EPB41L3: variants seen among roughly 807,000 people sequenced by gnomAD.
The protein encoded by EPB41L3 is erythrocyte membrane protein band 4.1 like 3.
Under a neutral mutation model 127.1 loss-of-function variants are expected in EPB41L3, and 57 were observed. The ratio of observed to expected loss-of-function variants is 0.45; its 90% CI spans 0.36 to 0.56. The LOEUF is 0.56. EPB41L3 is among the 20% of genes least tolerant of loss of function. EPB41L3 has a pLI of 0.00. For missense variants in EPB41L3, 1,273 were observed against 1,372.2 expected (o/e 0.93, Z 1.14); for synonymous variants, 572 against 549.5 (o/e 1.04, Z -0.57).
At chr18:5,406,725 A>G in intron 16 of EPB41L3, 52 bp downstream of exon 16, 1 of 1,509,992 alleles carries the variant, frequency 6.6e-7, no homozygotes, top group Non-Finnish European at 9.1e-7. Context: ...CCCTGTAGAG[A>G]AGGAAGGCGG....
In EPB41L3 at chr18:5,416,007, CG is replaced by C; in HGVS notation, c.1877del (p.Pro626ArgfsTer49). ...LLPQSLQHYLPIRSPSLVPCF... is the reference protein window; with the variant it reads ...LLPQSLQHYLXIRSPSLVPCF... ...AGGGCACAAGGGACGGTGAGCGGAT[CG>C]GGAGGTAATGCTGCAAGCTCTGGGG... On this transcript the variant is annotated frameshift_variant, in exon 13 of 23. Coordinates refer to ENST00000341928, the MANE Select transcript of EPB41L3 (RefSeq NM_012307.5). LOFTEE classifies it high-confidence loss of function. 1 of 1,613,934 alleles carries C rather than the reference CG, an allele frequency of 6.2e-7. No individual in the cohort carries two copies. The highest frequency in any genetic ancestry group is 1.1e-5 in the South Asian group (1 of 91,064).
At chr18:5,488,529 G>C (rs1252779713) in intron 2 of EPB41L3, among the ~76,000 whole-genome samples, 1 of 151,564 alleles carries the variant, frequency 6.6e-6, no homozygotes, top group Non-Finnish European at 1.5e-5. Context: ...AAACCTGCAC[G>C]TTCTGCACAT....
chr18:5,484,397 A>G (rs543319122), intron 2 of EPB41L3, among the ~76,000 whole-genome samples: 3 of 151,990 alleles, frequency 2.0e-5, no homozygotes, highest in Non-Finnish European at 4.4e-5. Context: ...AAAAGTAAAA[A>G]GCCTTCAAAT....
At chr18:5,578,614 G>T (rs2094360427) in intron 3 of EPB41L3, among the ~76,000 whole-genome samples, 3 of 152,260 alleles carry the variant, frequency 2.0e-5, no homozygotes, top group African/African-American at 7.2e-5. Context: ...ACATTTTGTG[G>T]CAGGGAAAGC....
At chr18:5,493,043 G>A (rs943649158) in intron 1 of EPB41L3, among the ~76,000 whole-genome samples, 16 of 152,066 alleles carry the variant, frequency 1.1e-4, no homozygotes, top group Admixed American at 1.0e-3. Flanking sequence ...TTCCTTTTCA[G>A]CTCTAATTTT....
At chr18:5,544,043 C>A, upstream of EPB41L3, 1 of 985,584 alleles carries the variant, frequency 1.0e-6, no homozygotes, top group Non-Finnish European at 1.2e-6. Context: ...GCCGCTGTTC[C>A]CCCCGCCCCC....
rs557310218 is a variant in EPB41L3 at position 5,449,383 on chromosome 18, A to G, written c.382-4139T>C. Among the ~76,000 whole-genome samples, 58 of 152,340 alleles carry G rather than the reference A, an allele frequency of 3.8e-4. 1 individual carries two copies. In the East Asian group the frequency reaches 0.011, roughly 29 times the overall value. ...CAGAAACTCTTATTCATTGCTGACA[A>G]GAATGCAAAATGGTAGAGCCACTCA... On this transcript the variant is annotated intron_variant, in intron 3 of 22. Coordinates refer to ENST00000341928, the MANE Select transcript of EPB41L3 (RefSeq NM_012307.5).
At chr18:5,481,858 G>A (rs190191073) in intron 2 of EPB41L3, among the ~76,000 whole-genome samples, 4 of 152,260 alleles carry the variant, frequency 2.6e-5, no homozygotes. Context: ...GCCACCTAGC[G>A]CCAAAGAGGT....
intron 1 of EPB41L3, among the ~76,000 whole-genome samples, chr18:5,490,651 T>G (rs1378807664): frequency 6.6e-6 from 1 of 152,196 alleles, no homozygotes. Flanking sequence ...GAACAGACTT[T>G]CTTTTTTCCT....
rs149000598 is a variant in EPB41L3, at chr18:5,503,624, T to C, written c.-11-14430A>G. The stretch of plus-strand genomic sequence containing the variant: ...AAAGTTTGCCAACCACTGGCCCCTC[T>C]CCACCTCAAAGCTACTGAATAGCTG... On this transcript the variant is annotated intron_variant, in intron 1 of 22. Coordinates refer to ENST00000341928, the MANE Select transcript of EPB41L3 (RefSeq NM_012307.5). Among the ~76,000 whole-genome samples, 703 of 152,286 alleles carry C rather than the reference T, an allele frequency of 4.6e-3. 6 individuals are homozygous for C. Among genetic ancestry groups the C allele is most frequent in the Admixed American group, 4.6e-3 (70 of 15,296 alleles).
chr18:5,583,140 C>A (rs2094410232), intron 3 of EPB41L3, among the ~76,000 whole-genome samples: 1 of 152,180 alleles, frequency 6.6e-6, no homozygotes, highest in Non-Finnish European at 1.5e-5. Flanking sequence ...ACTATTTTAA[C>A]TGTCAGGTAG....
At chr18:5,577,240 T>G in intron 3 of EPB41L3, 1 of 300,424 alleles carries the variant, frequency 3.3e-6, no homozygotes, top group African/African-American at 2.3e-5. Flanking sequence ...GTGGATTTTG[T>G]TTAAATATGT....
chr18:5,498,822 A>G (rs2091460649), intron 1 of EPB41L3, among the ~76,000 whole-genome samples: 1 of 151,944 alleles, frequency 6.6e-6, no homozygotes, highest in Non-Finnish European at 1.5e-5. Flanking sequence ...TATTTTCTCC[A>G]TTTTCTGTTA....
chr18:5,593,198 C>T (rs922139975), intron 3 of EPB41L3, among the ~76,000 whole-genome samples: 1 of 151,710 alleles, frequency 6.6e-6, no homozygotes, highest in African/African-American at 2.4e-5. Context: ...CCCACCTCAC[C>T]CCCACCCCCC....
intron 3 of EPB41L3, among the ~76,000 whole-genome samples, chr18:5,601,393 A>T (rs2094589566): frequency 6.6e-6 from 1 of 152,136 alleles, no homozygotes; most frequent in Non-Finnish European, 1.5e-5. Context: ...TTGCAACCCA[A>T]CCTGCTGGAA....
intron 3 of EPB41L3, among the ~76,000 whole-genome samples, chr18:5,591,981 A>G (rs1308548578): frequency 6.6e-6 from 1 of 152,152 alleles, no homozygotes; most frequent in Non-Finnish European, 1.5e-5. Context: ...CTCTAAGCTA[A>G]GCATGGTTTG....
At chr18:5,563,151 A>G (rs968723328) in intron 3 of EPB41L3, among the ~76,000 whole-genome samples, 2 of 152,200 alleles carry the variant, frequency 1.3e-5, no homozygotes, top group Non-Finnish European at 2.9e-5. Flanking sequence ...AAGCCACAGG[A>G]TCCTTGAAAT....
At position 5,610,178 on chromosome 18, in the gene EPB41L3, G is replaced by A. The variant is rs535448605; in HGVS notation, c.-306+2162C>T. On this transcript the variant is annotated intron_variant, in intron 3 of 21. Transcript: ENST00000545076. ...CCACGTCCCAACAAGCAAAGGTAACGTATTTCCAGATGATTGGCAGGTCCA... is the reference window on the plus strand; with the variant it reads ...CCACGTCCCAACAAGCAAAGGTAACATATTTCCAGATGATTGGCAGGTCCA... 2.0e-3 allele frequency: 2,015 copies of A among 985,396 alleles called. 1 individual carries two copies. Among genetic ancestry groups the A allele is most frequent in the South Asian group, 2.3e-3 (50 of 21,282 alleles). The allele number at this position is 985,396 out of a possible 1,614,324, so 61.0% of individuals were successfully genotyped here.
intron 12 of EPB41L3, among the ~76,000 whole-genome samples, chr18:5,417,235 G>A (rs1443120457): frequency 6.6e-6 from 1 of 152,158 alleles, no homozygotes; most frequent in Non-Finnish European, 1.5e-5. Context: ...CAGATAAAGG[G>A]CATATTTAGA....
Sources: allele counts gnomAD v4.1 joint callset (sites outside exome capture counted in the v4.1 genomes callset), GRCh38; gene constraint gnomAD v4.1.1; transcripts MANE v1.5; gene names NCBI Gene and HGNC (gene_info 2026-07-23, HGNC 2026-07-21).